Variants in GRID1 observed in about 807,000 individuals in gnomAD.
The protein encoded by GRID1 is glutamate receptor ionotropic, delta-1.
A neutral mutation model predicts 98.0 loss-of-function variants in GRID1; 28 were observed. The observed-to-expected ratio is 0.29, with a 90% CI of 0.21 to 0.39. The LOEUF is 0.39. GRID1 is among the 10% of genes least tolerant of loss of function. The pLI, the probability that GRID1 is intolerant of heterozygous loss-of-function variation, is 1.00. For synonymous variants in GRID1, 553 were observed against 538.5 expected, an observed-to-expected ratio of 1.03 and a Z score of -0.37; for missense variants, 1,111 against 1,340.5, an observed-to-expected ratio of 0.83 and a Z score of 2.67.
At chr10:86,101,675 T>C (rs983145918) in intron 4 of GRID1, among the ~76,000 whole-genome samples, 2 of 151,164 alleles carry the variant, frequency 1.3e-5, no homozygotes, top group Non-Finnish European at 2.9e-5. Context: ...CTCTGCTCTG[T>C]TACCCAGGCT....
At chr10:85,836,597 G>A (rs531659500) in intron 8 of GRID1, among the ~76,000 whole-genome samples, 3 of 152,110 alleles carry the variant, frequency 2.0e-5, no homozygotes, top group Non-Finnish European at 4.4e-5. Flanking sequence ...AGAAGTGGTG[G>A]GGCAGCAGCC....
In GRID1 at chr10:85,869,093, C is replaced by T; in HGVS notation, c.868G>A (p.Asp290Asn). Residue 290 changes from aspartate to asparagine, a missense_variant, in exon 6 of 16, where the codon GAC becomes AAC. By Grantham distance (23) the Asp-to-Asn change is conservative (BLOSUM62 1). This residue lies in a region of GRID1 where 346 missense variants were observed against 452.3 expected (regional missense o/e 0.76). Transcript: ENST00000327946. ...VVRQIFPSAK[D>N]NQKCTRNNHR... ...TTGTTCCTCGTGCATTTCTGATTGT[C>T]CTTTGCAGACGGAAAGATTTGCCGG... is the stretch of plus-strand genomic sequence containing the variant. The T allele has an allele frequency of 6.2e-7, 1 of 1,614,010 alleles. No individual in the cohort carries two copies. The highest frequency in any genetic ancestry group is 2.2e-5 in the East Asian group (1 of 44,872).
intron 4 of GRID1, among the ~76,000 whole-genome samples, chr10:85,956,258 G>T (rs971979299): frequency 6.6e-6 from 1 of 152,146 alleles, no homozygotes; most frequent in Non-Finnish European, 1.5e-5. Flanking sequence ...CTGCACTCCA[G>T]GTGTAAGTTC....
chr10:86,206,412 T>C lies in GRID1; in HGVS notation c.472A>G (p.Thr158Ala). ...RLNDVMLRLV[T>A]ELRWQKFVMF... is the part of the protein sequence containing the mutation. Reference sequence around the variant, plus strand: ...ACGAACTTCTGCCAGCGCAGCTCCGTCACCAGCCTGAGCATGACATCATTG... The same window carrying C: ...ACGAACTTCTGCCAGCGCAGCTCCGCCACCAGCCTGAGCATGACATCATTG... The change falls in exon 3 of 16, where the codon ACG (threonine) becomes GCG (alanine). Residue 158 changes from threonine to alanine, a missense_variant. Coordinates refer to ENST00000327946, the MANE Select transcript of GRID1 (RefSeq NM_017551.3). This position sits in a 1 kb window ranked among gnomAD's most constrained non-coding sequence, Gnocchi z 4.1. 1 of 1,611,674 alleles carries C rather than the reference T, an allele frequency of 6.2e-7. No individual in the cohort carries two copies. The highest frequency in any genetic ancestry group is 8.5e-7 in the Non-Finnish European group (1 of 1,177,972).
intron 2 of GRID1, among the ~76,000 whole-genome samples, chr10:86,281,210 G>T (rs1454895416): frequency 6.6e-6 from 1 of 152,214 alleles, no homozygotes; most frequent in African/African-American, 2.4e-5. Context: ...TCTGGAAAAA[G>T]GAAGGAAATG....
At chr10:86,059,001 C>T (rs1026896045) in intron 4 of GRID1, among the ~76,000 whole-genome samples, 3 of 152,230 alleles carry the variant, frequency 2.0e-5, no homozygotes, top group Non-Finnish European at 4.4e-5. Context: ...GATGACTGAT[C>T]TCATCTAGGG....
At chr10:85,917,675 T>C (rs1465092449) in intron 4 of GRID1, among the ~76,000 whole-genome samples, 1 of 152,242 alleles carries the variant, frequency 6.6e-6, no homozygotes, top group Non-Finnish European at 1.5e-5. Context: ...TAGGTCTGCA[T>C]GGTGCTGCAG....
chr10:85,919,856 T>A (rs980055362), intron 4 of GRID1, among the ~76,000 whole-genome samples: 1 of 152,204 alleles, frequency 6.6e-6, no homozygotes, highest in Non-Finnish European at 1.5e-5. Context: ...CCAACAGTGC[T>A]ACAGGGGGCT....
chr10:85,866,035 A>C (rs1843218295), intron 6 of GRID1, among the ~76,000 whole-genome samples: 1 of 142,028 alleles, frequency 7.0e-6, no homozygotes, highest in Non-Finnish European at 1.5e-5. Flanking sequence ...TGAGACCTGC[A>C]TTCTTAATAG....
intron 4 of GRID1, among the ~76,000 whole-genome samples, chr10:85,961,310 C>T (rs1842263509): frequency 6.6e-6 from 1 of 152,154 alleles, no homozygotes; most frequent in Non-Finnish European, 1.5e-5. Context: ...GGCACATTAG[C>T]TATGCCCAAC....
At chr10:86,138,687 G>A (rs1314403420) in intron 4 of GRID1, 132 bp downstream of exon 4, 1 of 663,772 alleles carries the variant, frequency 1.5e-6, no homozygotes, top group Non-Finnish European at 2.6e-6. Context: ...GAGTGCTGTG[G>A]GCCGAGCACC....
At chr10:86,228,027 G>A (rs1016747442) in intron 2 of GRID1, among the ~76,000 whole-genome samples, 4 of 152,048 alleles carry the variant, frequency 2.6e-5, no homozygotes, top group African/African-American at 9.7e-5. Context: ...TAGTTGGATG[G>A]ATGGAAGGAA....
chr10:86,267,296 C>A (rs1031254620), intron 2 of GRID1, among the ~76,000 whole-genome samples: 1 of 152,252 alleles, frequency 6.6e-6, no homozygotes, highest in Admixed American at 6.5e-5. Flanking sequence ...AAACCCAAAT[C>A]TGTGCAAACT....
At chr10:85,904,756 A>C (rs1841436517) in intron 5 of GRID1, among the ~76,000 whole-genome samples, 1 of 152,024 alleles carries the variant, frequency 6.6e-6, no homozygotes, top group Admixed American at 6.5e-5. Flanking sequence ...CAGATTAGAC[A>C]TCGACAAACA....
intron 12 of GRID1, among the ~76,000 whole-genome samples, chr10:85,721,120 A>G (rs961853044): frequency 2.6e-5 from 4 of 152,208 alleles, no homozygotes; most frequent in African/African-American, 9.6e-5. Context: ...TCATTCAGGA[A>G]TTGCAAAATA....
intron 4 of GRID1, among the ~76,000 whole-genome samples, chr10:86,050,252 T>C (rs748655405): frequency 2.0e-5 from 3 of 152,272 alleles, no homozygotes; most frequent in Non-Finnish European, 4.4e-5. Context: ...ACAATTTCTC[T>C]ATTGGCAAAA....
At chr10:85,847,392 G>A (rs1048464815) in intron 8 of GRID1, among the ~76,000 whole-genome samples, 1 of 152,176 alleles carries the variant, frequency 6.6e-6, no homozygotes, top group Non-Finnish European at 1.5e-5. Context: ...CCTCTTTAAT[G>A]TGAAATAGTA....
intron 4 of GRID1, among the ~76,000 whole-genome samples, chr10:86,024,148 C>G (rs75970095): frequency 0.022 from 3,350 of 152,252 alleles, 102 homozygotes; most frequent in African/African-American, 0.067. Context: ...TTGGAATGGG[C>G]AGTCCGGGAT....
chr10:86,199,851 C>T (rs1380115376), intron 3 of GRID1, among the ~76,000 whole-genome samples: 1 of 152,048 alleles, frequency 6.6e-6, no homozygotes, highest in East Asian at 1.9e-4. Context: ...AGTGAAAGGA[C>T]CAGAGCCTTC....
Sources: gnomAD v4.1 joint callset for allele counts (sites outside exome capture counted in the v4.1 genomes callset) on GRCh38, gnomAD v4.1.1 for gene constraint, gnomAD v4.1.1 regional missense constraint, Gnocchi (gnomAD v3.1) non-coding constraint, MANE v1.5 for transcripts, NCBI Gene and HGNC (gene_info 2026-07-23, HGNC 2026-07-21) for gene names.